The following CCDC92 variants were observed in gnomAD, a reference collection of about 807,000 sequenced individuals.
CCDC92 encodes coiled-coil domain-containing protein 92.
CCDC92 carries 12 observed loss-of-function variants against 24.9 expected under a neutral mutation model. That is an observed-to-expected ratio of 0.48 (90% CI 0.31 to 0.78). The LOEUF is 0.78. Ranked by LOEUF, CCDC92 falls within the 30% of genes least tolerant of loss-of-function variation. The pLI is 0.05. For missense variants in CCDC92, 399 were observed against 439.4 expected (o/e 0.91, Z 0.82); for synonymous variants, 193 against 196.3 (o/e 0.98, Z 0.14).
chr12:123,961,395 C>A (rs2138140465), intron 1 of CCDC92, among the ~76,000 whole-genome samples: 1 of 152,192 alleles, frequency 6.6e-6, no homozygotes, highest in Non-Finnish European at 1.5e-5. Flanking sequence ...AGAGTTGGGA[C>A]AGGAGGAAGC....
intron 1 of CCDC92, chr12:123,945,487 G>T (rs1955818645): frequency 6.6e-6 from 1 of 152,314 alleles, no homozygotes; most frequent in South Asian, 2.1e-4. Context: ...GGTTCAGCGT[G>T]TGGCACACGT....
In CCDC92 at chr12:123,972,728, A is replaced by G. The variant is rs997584114; in HGVS notation, c.-259T>C. On this transcript the variant is annotated 5_prime_UTR_variant, in exon 1 of 5. Transcript: ENST00000238156. ...CGCCCGGCGCATCTCGCCCGCTCCCACCCCAGCGCTAGCCGCGGTGCACCC... is the reference window on the plus strand; with the variant it reads ...CGCCCGGCGCATCTCGCCCGCTCCCGCCCCAGCGCTAGCCGCGGTGCACCC... 4.1e-5 allele frequency: 6 copies of G among 144,816 alleles called. No homozygotes were observed. The highest frequency in any genetic ancestry group is 1.5e-4 in the African/African-American group (6 of 39,658). The allele number at this position is 144,816 out of a possible 1,614,324, so 9.0% of individuals were successfully genotyped here. A position where few individuals can be genotyped will look rare whatever the true frequency, so the allele number is the denominator to read the frequency against.
intron 1 of CCDC92, among the ~76,000 whole-genome samples, chr12:123,963,303 G>C (rs577534941): frequency 7.2e-5 from 11 of 152,330 alleles, no homozygotes; most frequent in Admixed American, 3.3e-4. Context: ...AGTAAACGCA[G>C]CGTATGGCAC....
intron 1 of CCDC92, among the ~76,000 whole-genome samples, chr12:123,958,112 G>A (rs951111866): frequency 4.6e-5 from 7 of 152,154 alleles, no homozygotes; most frequent in East Asian, 3.9e-4. Context: ...GGAGTGCAAC[G>A]GCGTGATCTC....
intron 1 of CCDC92, chr12:123,966,486 G>A (rs1012688428): frequency 1.8e-4 from 27 of 152,200 alleles, no homozygotes; most frequent in Admixed American, 1.1e-3. Context: ...AAGCACTGAT[G>A]AGGGTGTCAG....
chr12:123,943,600 G>C, intron 2 of CCDC92, 107 bp from the exon 3 acceptor site: 2 of 1,254,968 alleles, frequency 1.6e-6, no homozygotes, highest in Non-Finnish European at 2.3e-6. Context: ...GGAGAGAGCA[G>C]AAGGAAACCA....
intron 1 of CCDC92, among the ~76,000 whole-genome samples, chr12:123,970,579 T>A (rs937853741): frequency 6.6e-6 from 1 of 152,258 alleles, no homozygotes; most frequent in Non-Finnish European, 1.5e-5. Context: ...AGCACCTACC[T>A]AGCCGGGATG....
At position 123,943,243 on chromosome 12, in the gene CCDC92, G is replaced by A. The variant is rs541259675; in HGVS notation, c.181+104C>T. 3.4e-5 allele frequency: 44 copies of A among 1,283,644 alleles called. No homozygotes were observed. In the African/African-American group the frequency reaches 5.3e-4, roughly 15 times the overall value. The allele number at this position is 1,283,644 out of a possible 1,614,324, so 79.5% of individuals were successfully genotyped here. ...AGGCATTCAGATGGACTCCTGCAAC[G>A]ATGATGGGAGCTGGGGGCAGGGCAG... On this transcript the variant is annotated intron_variant, in intron 3 of 4. Transcript: ENST00000238156.
rs1245199335 is a variant in CCDC92, at chr12:123,937,891, G to A, written c.224-61C>T. The A allele has an allele frequency of 2.4e-5, 36 of 1,513,060 alleles. No homozygotes were observed. Among genetic ancestry groups the A allele is most frequent in the Non-Finnish European group, 2.1e-5 (24 of 1,128,412 alleles). 93.7% of individuals were successfully genotyped at this position (1,513,060 alleles called of 1,614,324 possible). Reference sequence around the variant, plus strand: ...CATTAGACTGAGGCCGAGTGGTGAGGCCTATGGGGCAGGCGGACCTGTCTG... The same window carrying A: ...CATTAGACTGAGGCCGAGTGGTGAGACCTATGGGGCAGGCGGACCTGTCTG... On this transcript the variant is annotated intron_variant, in intron 4 of 4. Coordinates refer to ENST00000238156, the MANE Select transcript of CCDC92 (RefSeq NM_025140.3). This position sits in a 1 kb window ranked among gnomAD's most constrained non-coding sequence, Gnocchi z 8.4.
rs778561559 is a variant in CCDC92, at chr12:123,937,438, T to C, written c.616A>G (p.Met206Val). The change falls in exon 5 of 5, where the codon ATG (methionine) becomes GTG (valine). Residue 206 changes from methionine (M) to valine (V), a missense_variant. Transcript: ENST00000238156. This position sits in a 1 kb window ranked among gnomAD's most constrained non-coding sequence, Gnocchi z 8.4. ...AAGGGGGCTGAGAGGCTCTTTTTCA[T>C]GCGGCGGCGAGGCGTTTCGGGTAGC... ...DKLPETPRRR[M>V]KKSLSAPLHP... 6.8e-6 allele frequency: 11 copies of C among 1,613,580 alleles called. No individual in the cohort carries two copies. Among genetic ancestry groups the C allele is most frequent in the Admixed American group, 3.3e-5 (2 of 60,002 alleles).
intron 1 of CCDC92, among the ~76,000 whole-genome samples, chr12:123,967,170 A>T (rs1470381099): frequency 6.6e-6 from 1 of 152,130 alleles, no homozygotes; most frequent in Non-Finnish European, 1.5e-5. Flanking sequence ...TCCTCCCCCG[A>T]GAGCAATAGG....
chr12:123,965,215 C>T lies in CCDC92; in HGVS notation c.-60+7314G>A, dbSNP rs531943369. On this transcript the variant is annotated intron_variant, in intron 1 of 4. Transcript: ENST00000238156. ...CAGTTAAATATACTGTTTGGAATGA[C>T]GTGTGTGCTTGTACGTGTGCATCGA... is the stretch of plus-strand genomic sequence containing the variant. Among the ~76,000 whole-genome samples the T allele has an allele frequency of 9.2e-5, 14 of 152,204 alleles. No homozygotes were observed. In the South Asian group the frequency reaches 1.7e-3, roughly 18 times the overall value.
chr12:123,942,694 T>C (rs776825407), intron 4 of CCDC92, 50 bp downstream of exon 4: 1 of 1,457,894 alleles, frequency 6.9e-7, no homozygotes. Flanking sequence ...CACCAACACG[T>C]ACCACAAAGG....
intron 1 of CCDC92, among the ~76,000 whole-genome samples, chr12:123,951,600 G>A (rs1475251340): frequency 1.3e-5 from 2 of 152,220 alleles, no homozygotes; most frequent in Admixed American, 6.5e-5. Flanking sequence ...AACAACGGGA[G>A]CCCTGCTGCC....
intron 1 of CCDC92, among the ~76,000 whole-genome samples, chr12:123,953,031 G>T (rs1394594143): frequency 6.6e-6 from 1 of 152,096 alleles, no homozygotes; most frequent in East Asian, 1.9e-4. Flanking sequence ...ACAGTGACTG[G>T]GAGGGTAAAA....
intron 1 of CCDC92, among the ~76,000 whole-genome samples, chr12:123,948,971 A>C (rs1285790416): frequency 2.6e-5 from 4 of 152,198 alleles, no homozygotes; most frequent in Non-Finnish European, 5.9e-5. Flanking sequence ...CATCCTGTTT[A>C]GGCTGAGGAG....
chr12:123,956,439 C>T (rs1414689380), intron 1 of CCDC92: 2 of 152,170 alleles, frequency 1.3e-5, no homozygotes, highest in Non-Finnish European at 2.9e-5. Context: ...CCGCAAACTT[C>T]CTGTGCTGCG....
chr12:123,948,418 C>A (rs762184283), intron 1 of CCDC92, among the ~76,000 whole-genome samples: 2 of 152,218 alleles, frequency 1.3e-5, no homozygotes, highest in African/African-American at 2.4e-5. Flanking sequence ...TGTCATTAAT[C>A]CACTCTGTTA....
intron 1 of CCDC92, among the ~76,000 whole-genome samples, chr12:123,948,249 C>T (rs1033160082): frequency 3.3e-5 from 5 of 152,186 alleles, no homozygotes; most frequent in South Asian, 4.1e-4. Context: ...CGCTCTCCCA[C>T]GGGGGCAGAG....
Sources: allele counts gnomAD v4.1 joint callset (sites outside exome capture counted in the v4.1 genomes callset), GRCh38; gene constraint gnomAD v4.1.1; non-coding constraint Gnocchi (gnomAD v3.1); transcripts MANE v1.5; gene names NCBI Gene and HGNC (gene_info 2026-07-23, HGNC 2026-07-21).